CLTCL1: variants seen among roughly 807,000 people sequenced by gnomAD.
The protein encoded by CLTCL1 is clathrin heavy chain 2.
In CLTCL1, 159 loss-of-function variants were observed where a neutral mutation model predicts 190.0. That is an observed-to-expected ratio of 0.84 (90% CI 0.74 to 0.95). The LOEUF (loss-of-function observed/expected upper bound fraction) is 0.95, where lower values mean the gene tolerates loss of function less well. Among genes scored for constraint, CLTCL1 ranks in the 40% least tolerant of loss-of-function variants. The pLI is 0.00. For missense variants in CLTCL1, 1,878 were observed against 2,033.4 expected, an observed-to-expected ratio of 0.92 and a Z score of 1.47; for synonymous variants, 752 against 769.6, an observed-to-expected ratio of 0.98 and a Z score of 0.38.
Position 19,288,830 on chromosome 22 carries a change from T to C in CLTCL1, c.42+2770A>G, listed in dbSNP as rs1239243939. 2.0e-5 allele frequency among the ~76,000 whole-genome samples: 3 copies of C among 152,114 alleles called. No homozygotes were observed. The East Asian group carries it at 5.8e-4, about 29-fold the overall frequency. ...TGCACAAGAGCCGCCCATGGGGCAG[T>C]GGGTGTGGGCAGAGAGGAAGGAGAA... On this transcript the variant is annotated intron_variant, in intron 1 of 32. Coordinates refer to ENST00000427926, the MANE Select transcript of CLTCL1 (RefSeq NM_007098.4).
chr22:19,240,492 G>A (rs1490552850), intron 4 of CLTCL1, among the ~76,000 whole-genome samples: 5 of 152,058 alleles, frequency 3.3e-5, no homozygotes, highest in South Asian at 2.1e-4. Context: ...ACTGAGAGCC[G>A]GGCCAATGGG....
At chr22:19,206,079 C>A (rs996202377) in intron 22 of CLTCL1, among the ~76,000 whole-genome samples, 3 of 152,124 alleles carry the variant, frequency 2.0e-5, no homozygotes, top group Non-Finnish European at 2.9e-5. Flanking sequence ...GGATGTGCCA[C>A]AATGCCTGGT....
chr22:19,291,659 G>C lies in CLTCL1; in HGVS notation c.-18C>G. The C allele has an allele frequency of 7.4e-7, 1 of 1,343,170 alleles. No homozygotes were observed. Among genetic ancestry groups the C allele is most frequent in the East Asian group, 3.2e-5 (1 of 31,308 alleles). 83.2% of individuals were successfully genotyped at this position (1,343,170 alleles called of 1,614,324 possible). A position where few individuals can be genotyped will look rare whatever the true frequency, so the allele number is the denominator to read the frequency against. Reference sequence around the variant, plus strand: ...TGCGCCATGGCTGGTGCGGGACCTCGGCGGCGGCGGCGGCAGCGGCAGGAA... The same window carrying C: ...TGCGCCATGGCTGGTGCGGGACCTCCGCGGCGGCGGCGGCAGCGGCAGGAA... On this transcript the variant is annotated 5_prime_UTR_variant, in exon 1 of 33. Coordinates refer to ENST00000427926, the MANE Select transcript of CLTCL1 (RefSeq NM_007098.4).
chr22:19,291,235 G>A (rs1555993268), intron 1 of CLTCL1, among the ~76,000 whole-genome samples: 1 of 152,242 alleles, frequency 6.6e-6, no homozygotes, highest in Non-Finnish European at 1.5e-5. Flanking sequence ...AAGGACCGCA[G>A]GACGCCAAGG....
intron 6 of CLTCL1, among the ~76,000 whole-genome samples, 198 bp from the exon 7 acceptor site, chr22:19,234,904 T>C (rs2086031609): frequency 6.6e-6 from 1 of 151,806 alleles, no homozygotes; most frequent in Non-Finnish European, 1.5e-5. Flanking sequence ...AGCATAGGAG[T>C]CTATGTAGTT....
chr22:19,199,911 G>A, intron 23 of CLTCL1, 70 bp from the exon 24 acceptor site: 2 of 1,004,196 alleles, frequency 2.0e-6, no homozygotes, highest in Non-Finnish European at 3.0e-6. Flanking sequence ...GACTTACAAG[G>A]CACACAGTTG....
intron 20 of CLTCL1, 142 bp downstream of exon 20, chr22:19,210,184 G>A (rs2085173539): frequency 1.4e-6 from 1 of 724,890 alleles, no homozygotes; most frequent in Admixed American, 3.2e-5. Flanking sequence ...ATGGGTTGCT[G>A]GTGAGGAACA....
In CLTCL1 at chr22:19,218,143, A is replaced by G. The variant is rs9618511; in HGVS notation, c.2919+1742T>C. 4.8e-3 allele frequency among the ~76,000 whole-genome samples: 729 copies of G among 152,268 alleles called. 6 individuals carry two copies. Among genetic ancestry groups the G allele is most frequent in the African/African-American group, 0.016 (659 of 41,540 alleles). ...ATATCCAATTACAGCAGAGATAATG[A>G]AAGACCAGCAGCTCTACCCAGAAAC... On this transcript the variant is annotated intron_variant, in intron 18 of 32. Coordinates refer to ENST00000427926, the MANE Select transcript of CLTCL1 (RefSeq NM_007098.4).
intron 2 of CLTCL1, among the ~76,000 whole-genome samples, chr22:19,274,753 G>T (rs1424896796): frequency 2.8e-5 from 4 of 142,498 alleles, no homozygotes; most frequent in African/African-American, 5.3e-5. Flanking sequence ...TTTTGAGACC[G>T]ATTTTTGCTC....
rs201400090 is a variant in CLTCL1 at position 19,275,828 on chromosome 22, G to T, written c.45C>A (p.Leu15=). 7 of 1,586,386 alleles carry T rather than the reference G, an allele frequency of 4.4e-6. No homozygotes were observed. Among genetic ancestry groups the T allele is most frequent in the Non-Finnish European group, 6.0e-6 (7 of 1,165,858 alleles). The part of the protein sequence containing the change: ...LPVRFQEHFQ[L]QNLGINPANI... ...TAGCTGGATTAATTCCAAGGTTTTG[G>T]AGCTAAACAGAAAAAAAGCATTTGA... Residue 15 remains leucine (L), a splice_region_variant and synonymous_variant, in exon 2 of 33, where the codon CTC becomes CTA. Coordinates refer to ENST00000427926, the MANE Select transcript of CLTCL1 (RefSeq NM_007098.4).
intron 2 of CLTCL1, among the ~76,000 whole-genome samples, chr22:19,268,147 A>C (rs1555978766): frequency 6.6e-6 from 1 of 152,144 alleles, no homozygotes; most frequent in Non-Finnish European, 1.5e-5. Context: ...CTCACAAAAG[A>C]GCTTGATGGA....
intron 18 of CLTCL1, among the ~76,000 whole-genome samples, chr22:19,218,830 A>G (rs999156760): frequency 2.2e-4 from 33 of 152,228 alleles, no homozygotes; most frequent in African/African-American, 2.7e-4. Flanking sequence ...GCCATACCCA[A>G]TAATGACCCC....
chr22:19,257,715 A>C, intron 2 of CLTCL1: 1 of 1,095,748 alleles, frequency 9.1e-7, no homozygotes, highest in Non-Finnish European at 1.3e-6. Context: ...GGCCCTGGCC[A>C]CTGGGATGGC....
chr22:19,244,765 C>T (rs1048657817), intron 3 of CLTCL1, among the ~76,000 whole-genome samples: 17 of 152,242 alleles, frequency 1.1e-4, no homozygotes, highest in African/African-American at 3.6e-4. Context: ...TACCTTCCCA[C>T]CTCATGGGGC....
At chr22:19,264,086 A>G (rs2087042126) in intron 2 of CLTCL1, among the ~76,000 whole-genome samples, 1 of 152,096 alleles carries the variant, frequency 6.6e-6, no homozygotes, top group Admixed American at 6.6e-5. Context: ...TGTGAGGCCA[A>G]GAGTTTAAGA....
At position 19,188,016 on chromosome 22, in the gene CLTCL1, G is replaced by A. The variant is rs368204858; in HGVS notation, c.4399C>T (p.Leu1467Phe). 6 of 1,614,054 alleles carry A rather than the reference G, an allele frequency of 3.7e-6. No individual in the cohort carries two copies. Among genetic ancestry groups the A allele is most frequent in the South Asian group, 3.3e-5 (3 of 91,090 alleles). The change falls in exon 28 of 33, where the codon CTC becomes TTC. Residue 1467 changes from leucine (L) to phenylalanine (F), a missense_variant. By Grantham distance (22) the Leu-to-Phe change is conservative. Coordinates refer to ENST00000427926, the MANE Select transcript of CLTCL1 (RefSeq NM_007098.4). ...SHNNKSVNEA[L>F]NHLLTEEEDY... ...TCCTCCTCTGTCAGCAGGTGGTTGAGTGCCTCATTCACACTCTTGTTGTTG... is the reference window on the plus strand; with the variant it reads ...TCCTCCTCTGTCAGCAGGTGGTTGAATGCCTCATTCACACTCTTGTTGTTG...
At position 19,248,492 on chromosome 22, in the gene CLTCL1, A is replaced by G. The variant is rs2086489988; in HGVS notation, c.519+5467T>C. ...CTCAGAGGGCTGTGCAATCATCACT[A>G]CAACATAGTTTTAGAACACTTTCAT... On this transcript the variant is annotated intron_variant, in intron 3 of 32. Coordinates refer to ENST00000427926, the MANE Select transcript of CLTCL1 (RefSeq NM_007098.4). Among the ~76,000 whole-genome samples, 16 of 152,176 alleles carry G rather than the reference A, an allele frequency of 1.1e-4. 1 individual carries two copies. The highest frequency in any genetic ancestry group is 1.0e-3 in the Admixed American group (16 of 15,270).
Position 19,266,647 on chromosome 22 carries a change from A to G in CLTCL1, c.250+8976T>C, listed in dbSNP as rs570092228. The stretch of plus-strand genomic sequence containing the variant: ...ACTATAGACCAATTATAAAAATAAC[A>G]GAAAACCCTTAGAATATTAGTGAAC... On this transcript the variant is annotated intron_variant, in intron 2 of 32. Coordinates refer to ENST00000427926, the MANE Select transcript of CLTCL1 (RefSeq NM_007098.4). Among the ~76,000 whole-genome samples, 3 of 152,354 alleles carry G rather than the reference A, an allele frequency of 2.0e-5. No individual in the cohort carries two copies. The East Asian group carries it at 5.8e-4, about 29-fold the overall frequency.
intron 4 of CLTCL1, among the ~76,000 whole-genome samples, chr22:19,241,778 GCCTAATAAAACCCACTGGCT>G (rs1345123503): frequency 2.0e-5 from 3 of 152,232 alleles, no homozygotes; most frequent in Admixed American, 1.3e-4. Context: ...ATGTCCCTGA[GCCTAATAAAACCCACTGGCT>G]CCTGGGCACA....
Sources: gnomAD v4.1 joint callset for allele counts (sites outside exome capture counted in the v4.1 genomes callset) on GRCh38, gnomAD v4.1.1 for gene constraint, MANE v1.5 for transcripts, NCBI Gene and HGNC (gene_info 2026-07-23, HGNC 2026-07-21) for gene names.